The following ZSCAN32 variants were observed in gnomAD, a reference collection of about 807,000 sequenced individuals.
ZSCAN32 encodes zinc finger and SCAN domain containing 32.
A neutral mutation model predicts 47.4 loss-of-function variants in ZSCAN32; 52 were observed. That is an observed-to-expected ratio of 1.10 (90% CI 0.88 to 1.38). ZSCAN32 has a LOEUF of 1.38. Among genes scored for constraint, ZSCAN32 ranks in the 40% most tolerant of loss-of-function variants. The probability of loss-of-function intolerance (pLI) is 0.00; values close to 1 mark genes in which losing one functional copy is unlikely to be tolerated. For missense variants in ZSCAN32, 959 were observed against 846.0 expected (o/e 1.13, Z -1.66); for synonymous variants, 346 against 305.7 (o/e 1.13, Z -1.38).
chr16:3,389,936 CCT>C, intron 5 of ZSCAN32, 72 bp downstream of exon 5: 1 of 1,435,588 alleles, frequency 7.0e-7, no homozygotes, highest in Non-Finnish European at 9.4e-7. Context: ...TGTCTCCCTC[CCT>C]CTCAAGTCCT....
Position 3,384,691 on chromosome 16 carries a change from T to C in ZSCAN32, c.1002A>G (p.Glu334=), listed in dbSNP as rs768065202. 3 of 1,614,146 alleles carry C rather than the reference T, an allele frequency of 1.9e-6. No homozygotes were observed. In the East Asian group the frequency reaches 6.7e-5, roughly 36 times the overall value. ...CCCAGGAGCCTGAAAGAGCATTCAT[T>C]TCCTCATAAAAGATACAAGGCTCAG... ...RVPEPCIFYE[E]MNALSGSWAS... is the part of the protein sequence containing the mutation. The change falls in exon 6 of 7, where the codon GAA becomes GAG. Residue 334 remains glutamate, a synonymous_variant. Transcript: ENST00000396852.
chr16:3,399,557 T>A (rs926184824), intron 1 of ZSCAN32, among the ~76,000 whole-genome samples: 3 of 152,152 alleles, frequency 2.0e-5, no homozygotes, highest in Non-Finnish European at 1.5e-5. Context: ...GAGTTAATTT[T>A]AAAAATAGTT....
chr16:3,382,767 C>A lies in ZSCAN32; in HGVS notation c.*85G>T. ...GTAGTCAGTAGGTCTGTTGCAAAGTCAGGGACTGGCTAGATCTCTCCACAG... is the reference window on the plus strand; with the variant it reads ...GTAGTCAGTAGGTCTGTTGCAAAGTAAGGGACTGGCTAGATCTCTCCACAG... On this transcript the variant is annotated 3_prime_UTR_variant, in exon 7 of 7. Transcript: ENST00000396852. The A allele has an allele frequency of 6.7e-7, 1 of 1,502,046 alleles. No homozygotes were observed. The highest frequency in any genetic ancestry group is 8.9e-7 in the Non-Finnish European group (1 of 1,125,936). 93.0% of individuals were successfully genotyped at this position (1,502,046 alleles called of 1,614,324 possible).
Position 3,383,223 on chromosome 16 carries a change from T to A in ZSCAN32, c.1723A>T (p.Arg575Trp). Residue 575 changes from arginine (R) to tryptophan (W), a missense_variant, in exon 7 of 7, where the codon AGG becomes TGG. Arg to Trp is a moderately radical substitution (Grantham distance 101). Transcript: ENST00000396852. Reference protein sequence around the residue: ...TAHLRTHTGERPYQCGQCGKS... With the variant: ...TAHLRTHTGEWPYQCGQCGKS... The stretch of plus-strand genomic sequence containing the variant: ...CCACATTGCCCACACTGATAGGGCC[T>A]CTCCCCTGTGTGAGTTCGTAGGTGG... 1 of 1,614,104 alleles carries A rather than the reference T, an allele frequency of 6.2e-7. No homozygotes were observed. Among genetic ancestry groups the A allele is most frequent in the Non-Finnish European group, 8.5e-7 (1 of 1,179,976 alleles).
intron 2 of ZSCAN32, among the ~76,000 whole-genome samples, chr16:3,395,187 T>C (rs548542281): frequency 6.6e-6 from 1 of 152,246 alleles, no homozygotes; most frequent in East Asian, 1.9e-4. Flanking sequence ...CAAACACCCT[T>C]AAAGGGAATG....
At chr16:3,399,615 G>GT (rs921823644) in intron 1 of ZSCAN32, among the ~76,000 whole-genome samples, 2 of 151,902 alleles carry the variant, frequency 1.3e-5, no homozygotes, top group African/African-American at 2.4e-5. Flanking sequence ...AATTTTATTT[G>GT]TTTTTTTATC....
At position 3,397,456 on chromosome 16, in the gene ZSCAN32, C is replaced by T. The variant is rs939622422; in HGVS notation, c.102G>A (p.Glu34=). 31 of 1,550,714 alleles carry T rather than the reference C, an allele frequency of 2.0e-5. No homozygotes were observed. In the African/African-American group the frequency reaches 3.8e-4, roughly 19 times the overall value. The part of the protein sequence containing the change: ...SALQGNSPDS[E]ASRQRFRQFC... ...ACTGCCTGAAGCGCTGACGGGAGGC[C>T]TCGGAGTCAGGGCTGTTACCCTGGA... is the stretch of plus-strand genomic sequence containing the variant. The change falls in exon 2 of 7, where the codon GAG becomes GAA. Residue 34 remains glutamate (E), a synonymous_variant. Transcript: ENST00000396852.
At chr16:3,385,693 A>G (rs919445026) in intron 5 of ZSCAN32, among the ~76,000 whole-genome samples, 26 of 152,224 alleles carry the variant, frequency 1.7e-4, no homozygotes, top group African/African-American at 6.0e-4. Flanking sequence ...AGCAATGGGG[A>G]AAGGATTCCC....
rs2031363634 is a variant in ZSCAN32 at position 3,382,735 on chromosome 16, A to C, written c.*117T>G. 8.2e-6 allele frequency: 12 copies of C among 1,467,002 alleles called. No individual in the cohort carries two copies. Among genetic ancestry groups the C allele is most frequent in the Non-Finnish European group, 1.1e-5 (12 of 1,105,616 alleles). 90.9% of individuals were successfully genotyped at this position (1,467,002 alleles called of 1,614,324 possible). A position where few individuals can be genotyped will look rare whatever the true frequency, so the allele number is the denominator to read the frequency against. On this transcript the variant is annotated 3_prime_UTR_variant, in exon 7 of 7. Transcript: ENST00000396852. ...CTCCTGGTCCTAGACATGGGTCTTAAGATCCAGTAGTCAGTAGGTCTGTTG... is the reference window on the plus strand; with the variant it reads ...CTCCTGGTCCTAGACATGGGTCTTACGATCCAGTAGTCAGTAGGTCTGTTG...
intron 5 of ZSCAN32, among the ~76,000 whole-genome samples, chr16:3,386,604 T>C (rs2032025328): frequency 6.6e-6 from 1 of 152,184 alleles, no homozygotes; most frequent in Admixed American, 6.5e-5. Context: ...TGGAATACTA[T>C]GCAACCATAA....
intron 6 of ZSCAN32, 77 bp downstream of exon 6, chr16:3,384,382 C>G: frequency 3.8e-6 from 6 of 1,569,534 alleles, no homozygotes; most frequent in Non-Finnish European, 5.2e-6. Context: ...AGTGACAGCT[C>G]CTACTCAACT....
chr16:3,390,174 C>G, intron 4 of ZSCAN32, 41 bp from the exon 5 acceptor site: 1 of 1,550,138 alleles, frequency 6.5e-7, no homozygotes, highest in Non-Finnish European at 8.7e-7. Flanking sequence ...TAAAATAGCA[C>G]CACTCTAGCC....
Position 3,383,190 on chromosome 16 carries a change from A to G in ZSCAN32, c.1756T>C (p.Phe586Leu), listed in dbSNP as rs2031455573. ...PYQCGQCGKS[F>L]NQSSSLIVHQ... ...ACAATGAGGCTGGAACTCTGGTTGA[A>G]GCTTTTCCCACATTGCCCACACTGA... is the stretch of plus-strand genomic sequence containing the variant. The change falls in exon 7 of 7, where the codon TTC (phenylalanine) becomes CTC (leucine). Residue 586 changes from phenylalanine (F) to leucine (L), a missense_variant. Phe to Leu is a conservative substitution (Grantham distance 22). Transcript: ENST00000396852. 3 of 1,614,096 alleles carry G rather than the reference A, an allele frequency of 1.9e-6. No homozygotes were observed. The highest frequency in any genetic ancestry group is 2.5e-6 in the Non-Finnish European group (3 of 1,180,002).
chr16:3,396,087 G>T (rs2033346537), intron 2 of ZSCAN32, among the ~76,000 whole-genome samples: 1 of 152,150 alleles, frequency 6.6e-6, no homozygotes, highest in Non-Finnish European at 1.5e-5. Flanking sequence ...GATGGAAGGG[G>T]AACTGGGCTA....
intron 2 of ZSCAN32, among the ~76,000 whole-genome samples, chr16:3,394,137 G>C (rs1490551089): frequency 1.3e-5 from 2 of 151,954 alleles, no homozygotes; most frequent in Non-Finnish European, 2.9e-5. Flanking sequence ...GTAGTGGTGT[G>C]AATCTGTAAC....
Position 3,383,108 on chromosome 16 carries a change from C to T in ZSCAN32, c.1838G>A (p.Arg613Lys). 1.9e-6 allele frequency: 3 copies of T among 1,614,188 alleles called. No homozygotes were observed. The highest frequency in any genetic ancestry group is 2.5e-6 in the Non-Finnish European group (3 of 1,180,042). Reference protein sequence around the residue: ...KPYQCIVCGKRFNNSSQFSAH... With the variant: ...KPYQCIVCGKKFNNSSQFSAH... The stretch of plus-strand genomic sequence containing the variant: ...ACTGAACTGGGAACTGTTGTTGAAT[C>T]TCTTTCCACAGACAATGCACTGGTA... Residue 613 changes from arginine to lysine, a missense_variant, in exon 7 of 7, where the codon AGA becomes AAA. Transcript: ENST00000396852.
Position 3,383,658 on chromosome 16 carries a change from C to G in ZSCAN32, c.1288G>C (p.Glu430Gln). The G allele has an allele frequency of 6.2e-7, 1 of 1,606,242 alleles. No homozygotes were observed. Among genetic ancestry groups the G allele is most frequent in the South Asian group, 1.1e-5 (1 of 89,470 alleles). Residue 430 changes from glutamate (E) to glutamine (Q), a missense_variant, in exon 7 of 7, where the codon GAG becomes CAG. By Grantham distance (29) the Glu-to-Gln change is conservative. Transcript: ENST00000396852. ...AAAGCCTTGTTTATTTCTACTTCCT[C>G]TGAATCATCCCATTTTAGATTTTCT... is the stretch of plus-strand genomic sequence containing the variant. ...KKENLKWDDSEEVEINKALQR... is the reference protein window; with the variant it reads ...KKENLKWDDSQEVEINKALQR...
At chr16:3,383,940 G>A (rs927005802) in intron 6 of ZSCAN32, 19 of 531,100 alleles carry the variant, frequency 3.6e-5, no homozygotes, top group African/African-American at 1.7e-4. Context: ...ATCTTTTTTC[G>A]GATGTTCTGA....
intron 1 of ZSCAN32, among the ~76,000 whole-genome samples, chr16:3,398,145 G>A (rs148232248): frequency 2.6e-5 from 4 of 152,306 alleles, no homozygotes; most frequent in African/African-American, 9.6e-5. Context: ...ATTCTGCTAA[G>A]ATGCAGGCAT....
Sources: gnomAD v4.1 joint callset for allele counts (sites outside exome capture counted in the v4.1 genomes callset) on GRCh38, gnomAD v4.1.1 for gene constraint, MANE v1.5 for transcripts, NCBI Gene and HGNC (gene_info 2026-07-23, HGNC 2026-07-21) for gene names.